The following ANKS1B variants were observed in gnomAD, a reference collection of about 807,000 sequenced individuals.
ANKS1B encodes ankyrin repeat and sterile alpha motif domain containing 1B.
ANKS1B carries 36 observed loss-of-function variants against 148.3 expected under a neutral mutation model. The ratio of observed to expected loss-of-function variants is 0.24; its 90% CI spans 0.19 to 0.32. The LOEUF (loss-of-function observed/expected upper bound fraction) is 0.32. ANKS1B is among the 10% of genes least tolerant of loss of function. The pLI, the probability that ANKS1B is intolerant of heterozygous loss-of-function variation, is 1.00. For synonymous variants in ANKS1B, 542 were observed against 560.8 expected (o/e 0.97, Z 0.47); for missense variants, 1,157 against 1,542.6 (o/e 0.75, Z 4.19).
At chr12:99,824,588 G>A (rs1565802218) in intron 2 of ANKS1B, among the ~76,000 whole-genome samples, 3 of 152,068 alleles carry the variant, frequency 2.0e-5, no homozygotes, top group African/African-American at 7.2e-5. Flanking sequence ...AGACGAGGGG[G>A]AGATAAAGGA....
At chr12:98,996,271 T>C in intron 17 of ANKS1B, among the ~76,000 whole-genome samples, 1 of 152,198 alleles carries the variant, frequency 6.6e-6, no homozygotes, top group Admixed American at 6.5e-5. Flanking sequence ...GAAGGGACTC[T>C]GGATGTGAAT....
chr12:98,854,386 C>G (rs1191687163), intron 17 of ANKS1B, among the ~76,000 whole-genome samples: 3 of 147,566 alleles, frequency 2.0e-5, no homozygotes, highest in Non-Finnish European at 4.4e-5. Flanking sequence ...GAAATAAATC[C>G]TTGAGATTTA....
chr12:99,934,861 C>G (rs1211939330), intron 1 of ANKS1B, among the ~76,000 whole-genome samples: 1 of 152,024 alleles, frequency 6.6e-6, no homozygotes, highest in Non-Finnish European at 1.5e-5. Flanking sequence ...GAGATATGTA[C>G]ATAAATGCTT....
intron 11 of ANKS1B, among the ~76,000 whole-genome samples, chr12:99,414,838 C>A (rs1010901206): frequency 6.6e-6 from 1 of 152,154 alleles, no homozygotes; most frequent in Non-Finnish European, 1.5e-5. Context: ...GGGTATATGC[C>A]CTTTTCAGGG....
intron 17 of ANKS1B, among the ~76,000 whole-genome samples, chr12:98,920,956 C>T (rs2152905977): frequency 6.6e-6 from 1 of 152,218 alleles, no homozygotes; most frequent in South Asian, 2.1e-4. Context: ...ATACAAATTT[C>T]AATTTTCAAA....
At chr12:99,702,709 A>ATT (rs1161148335) in intron 8 of ANKS1B, among the ~76,000 whole-genome samples, 1,390 of 109,708 alleles carry the variant, frequency 0.013, 28 homozygotes, top group African/African-American at 0.039. Flanking sequence ...AACCCAGCTA[A>ATT]TTTTTTTTTT....
intron 15 of ANKS1B, among the ~76,000 whole-genome samples, chr12:99,137,692 C>T (rs1002530866): frequency 6.6e-6 from 1 of 151,994 alleles, no homozygotes; most frequent in Non-Finnish European, 1.5e-5. Flanking sequence ...TTCCTCTTTT[C>T]ATTTCTTCCC....
intron 25 of ANKS1B, among the ~76,000 whole-genome samples, chr12:98,753,434 CTTTTT>C (rs11351993): frequency 6.6e-6 from 1 of 150,412 alleles, no homozygotes; most frequent in African/African-American, 2.4e-5. Context: ...TTTCTTTTTT[CTTTTT>C]TTTTTGAGAC....
intron 9 of ANKS1B, among the ~76,000 whole-genome samples, chr12:99,606,329 T>C (rs546140036): frequency 2.0e-4 from 30 of 152,168 alleles, no homozygotes; most frequent in African/African-American, 7.0e-4. Flanking sequence ...TTATTCATTA[T>C]GAAACATTTT....
At position 98,975,101 on chromosome 12, in the gene ANKS1B, T is replaced by TC. The variant is rs1176347869; in HGVS notation, c.2778+78055dup. Among the ~76,000 whole-genome samples, 8 of 104,506 alleles carry TC rather than the reference T, an allele frequency of 7.7e-5. No homozygotes were observed. In the South Asian group the frequency reaches 3.8e-3, roughly 50 times the overall value. The allele number at this position is 104,506 out of a possible 152,430, so 68.6% of individuals were successfully genotyped here. A position where few individuals can be genotyped will look rare whatever the true frequency, so the allele number is the denominator to read the frequency against. Reference sequence around the variant, plus strand: ...CTCCCTCCTTCCCTACTTCCCTCCCTCCTACTTTCTTCTGTTTCCTCTTTC... The same window carrying TC: ...CTCCCTCCTTCCCTACTTCCCTCCCTCCCTACTTTCTTCTGTTTCCTCTTTC... On this transcript the variant is annotated intron_variant, in intron 17 of 26. Transcript: ENST00000683438.
At chr12:99,165,781 A>C (rs982912882) in intron 14 of ANKS1B, among the ~76,000 whole-genome samples, 2 of 151,946 alleles carry the variant, frequency 1.3e-5, no homozygotes, top group African/African-American at 2.4e-5. Flanking sequence ...TATTCTATGA[A>C]GCCAGCATTA....
intron 19 of ANKS1B, among the ~76,000 whole-genome samples, chr12:98,811,277 C>T (rs982649606): frequency 6.6e-6 from 1 of 152,198 alleles, no homozygotes; most frequent in African/African-American, 2.4e-5. Flanking sequence ...CCTCCTAGGA[C>T]ACATGCATGC....
intron 12 of ANKS1B, among the ~76,000 whole-genome samples, chr12:99,341,788 T>C (rs2089965830): frequency 3.3e-5 from 5 of 151,996 alleles, no homozygotes; most frequent in Non-Finnish European, 7.4e-5. Flanking sequence ...AATTGAGCCT[T>C]AGAAAGATTA....
intron 17 of ANKS1B, among the ~76,000 whole-genome samples, chr12:98,973,936 A>G (rs1001987331): frequency 6.6e-5 from 10 of 151,968 alleles, no homozygotes; most frequent in Admixed American, 3.9e-4. Context: ...CGGTATATAT[A>G]TGAAAAAACA....
intron 8 of ANKS1B, among the ~76,000 whole-genome samples, chr12:99,714,914 T>C (rs2057103565): frequency 6.6e-6 from 1 of 151,134 alleles, no homozygotes; most frequent in South Asian, 2.1e-4. Flanking sequence ...AGCTCAGGAG[T>C]TCGAGACCAG....
At chr12:99,821,620 T>C (rs1349675367) in intron 2 of ANKS1B, among the ~76,000 whole-genome samples, 1 of 152,018 alleles carries the variant, frequency 6.6e-6, no homozygotes, top group Non-Finnish European at 1.5e-5. Context: ...GGGACAATAT[T>C]ACTTTAAGAA....
intron 19 of ANKS1B, among the ~76,000 whole-genome samples, chr12:98,818,846 T>C (rs888647771): frequency 3.9e-5 from 6 of 152,218 alleles, no homozygotes; most frequent in East Asian, 3.8e-4. Context: ...AAAAGATGCA[T>C]TGGGCAGAGT....
At chr12:98,926,977 C>G (rs2099809129) in intron 17 of ANKS1B, among the ~76,000 whole-genome samples, 1 of 152,022 alleles carries the variant, frequency 6.6e-6, no homozygotes, top group Admixed American at 6.6e-5. Flanking sequence ...TGGGAACTCT[C>G]CAAACTTGAT....
intron 8 of ANKS1B, among the ~76,000 whole-genome samples, chr12:99,693,727 A>T (rs567529944): frequency 1.3e-4 from 20 of 152,094 alleles, no homozygotes; most frequent in Non-Finnish European, 2.1e-4. Context: ...AGAGTTATTC[A>T]TAAGTTAAAT....
Sources: allele counts gnomAD v4.1 joint callset (sites outside exome capture counted in the v4.1 genomes callset), GRCh38; gene constraint gnomAD v4.1.1; transcripts MANE v1.5; gene names NCBI Gene and HGNC (gene_info 2026-07-23, HGNC 2026-07-21).